LRP1B: variants seen among roughly 807,000 people sequenced by gnomAD.
The protein encoded by LRP1B is low-density lipoprotein receptor-related protein 1B.
LRP1B carries 217 observed loss-of-function variants against 556.6 expected under a neutral mutation model. That is an observed-to-expected ratio of 0.39 (90% CI 0.35 to 0.44). LRP1B has a LOEUF of 0.44. Ranked by LOEUF, LRP1B falls within the 20% of genes least tolerant of loss-of-function variation. The probability of loss-of-function intolerance (pLI) is 1.00; values close to 1 mark genes in which losing one functional copy is unlikely to be tolerated. For missense variants in LRP1B, 5,053 were observed against 5,620.8 expected (o/e 0.90, Z 3.23); for synonymous variants, 2,047 against 1,865.8 (o/e 1.10, Z -2.50).
intron 11 of LRP1B, among the ~76,000 whole-genome samples, chr2:141,024,489 G>A (rs191588230): frequency 9.9e-5 from 15 of 152,064 alleles, no homozygotes; most frequent in African/African-American, 2.4e-4. Context: ...TGGGTCAGGG[G>A]ATACAGATCA....
intron 62 of LRP1B, among the ~76,000 whole-genome samples, chr2:140,452,960 TG>T (rs1229758830): frequency 0.016 from 541 of 34,564 alleles, no homozygotes; most frequent in Admixed American, 0.032. Context: ...TGTGTGTGTG[TG>T]TTTTTTTTTT....
chr2:141,718,334 T>C (rs1355425423), intron 2 of LRP1B, among the ~76,000 whole-genome samples: 1 of 152,204 alleles, frequency 6.6e-6, no homozygotes, highest in African/African-American at 2.4e-5. Context: ...GCTTAAACCA[T>C]GTTTGTTAGG....
chr2:141,895,308 G>A (rs1395223892), intron 1 of LRP1B, among the ~76,000 whole-genome samples: 2 of 152,080 alleles, frequency 1.3e-5, no homozygotes, highest in Admixed American at 6.6e-5. Flanking sequence ...TAGCAGTCAG[G>A]CAGAAAATAT....
At chr2:141,520,407 G>A (rs1379519813) in intron 2 of LRP1B, among the ~76,000 whole-genome samples, 1 of 151,992 alleles carries the variant, frequency 6.6e-6, no homozygotes, top group African/African-American at 2.4e-5. Flanking sequence ...TTTCAACAGA[G>A]CTCGCTTAAC....
chr2:142,031,348 T>TA (rs3041462), intron 1 of LRP1B, among the ~76,000 whole-genome samples: 4 of 126,528 alleles, frequency 3.2e-5, no homozygotes, highest in African/African-American at 8.6e-5. Context: ...TTTTTTTTTT[T>TA]ATTATACTCT....
At chr2:141,986,231 G>A (rs531502875) in intron 1 of LRP1B, among the ~76,000 whole-genome samples, 4 of 151,926 alleles carry the variant, frequency 2.6e-5, no homozygotes, top group South Asian at 4.1e-4. Flanking sequence ...TGAATTGTAC[G>A]GCTAAAAGTA....
intron 41 of LRP1B, among the ~76,000 whole-genome samples, chr2:140,605,560 T>C (rs1040134220): frequency 6.6e-6 from 1 of 151,974 alleles, no homozygotes; most frequent in African/African-American, 2.4e-5. Flanking sequence ...TTATTTTATC[T>C]TTTTCTTTCT....
At chr2:141,280,820 G>T (rs574318547) in intron 3 of LRP1B, among the ~76,000 whole-genome samples, 5 of 152,074 alleles carry the variant, frequency 3.3e-5, no homozygotes, top group Non-Finnish European at 7.4e-5. Flanking sequence ...AAAAGAATCA[G>T]TGATTTTCAT....
chr2:140,928,853 C>A (rs1189591150), intron 20 of LRP1B, among the ~76,000 whole-genome samples: 1 of 151,756 alleles, frequency 6.6e-6, no homozygotes, highest in African/African-American at 2.4e-5. Flanking sequence ...TTGCAAAGAC[C>A]TAAAAGCAGG....
intron 1 of LRP1B, among the ~76,000 whole-genome samples, chr2:141,812,186 A>T (rs1422220530): frequency 6.6e-6 from 1 of 152,136 alleles, no homozygotes; most frequent in Admixed American, 6.6e-5. Flanking sequence ...TTAGGCTGTC[A>T]CATAACTTTT....
intron 7 of LRP1B, among the ~76,000 whole-genome samples, chr2:141,111,390 T>C (rs1412621496): frequency 6.6e-6 from 1 of 152,170 alleles, no homozygotes; most frequent in Admixed American, 6.5e-5. Flanking sequence ...TGCAAATTTG[T>C]TTACTTGCTT....
intron 3 of LRP1B, among the ~76,000 whole-genome samples, chr2:141,273,058 C>T (rs1270150128): frequency 1.3e-5 from 2 of 152,172 alleles, no homozygotes; most frequent in East Asian, 1.9e-4. Flanking sequence ...CCTGTAATCC[C>T]AGCACTTTTG....
At chr2:140,942,702 G>A (rs1203608907) in intron 20 of LRP1B, among the ~76,000 whole-genome samples, 5 of 100,340 alleles carry the variant, frequency 5.0e-5, no homozygotes, top group African/African-American at 1.4e-4. Context: ...CATAAATGAA[G>A]GAGAAATAAA....
chr2:140,978,441 G>C (rs1350813958), intron 18 of LRP1B, among the ~76,000 whole-genome samples: 1 of 152,154 alleles, frequency 6.6e-6, no homozygotes, highest in African/African-American at 2.4e-5. Context: ...AATGATTGCA[G>C]CATCTTCTGG....
intron 22 of LRP1B, among the ~76,000 whole-genome samples, chr2:140,905,348 C>T (rs560553317): frequency 9.9e-5 from 15 of 152,116 alleles, no homozygotes; most frequent in Non-Finnish European, 1.9e-4. Context: ...AATTGTCTGC[C>T]TGAGAACGCT....
At chr2:140,757,831 A>G (rs1183589328) in intron 35 of LRP1B, among the ~76,000 whole-genome samples, 1 of 152,190 alleles carries the variant, frequency 6.6e-6, no homozygotes, top group East Asian at 1.9e-4. Flanking sequence ...CAGTGAGCAG[A>G]GATCATGCCA....
intron 20 of LRP1B, among the ~76,000 whole-genome samples, chr2:140,949,149 T>C (rs546434979): frequency 3.9e-5 from 6 of 152,236 alleles, no homozygotes; most frequent in Non-Finnish European, 8.8e-5. Flanking sequence ...GCTTGTTTGT[T>C]TACGCTGATA....
At chr2:141,480,653 G>A (rs1573996174) in intron 2 of LRP1B, 120 bp from the exon 3 acceptor site, 2 of 971,886 alleles carry the variant, frequency 2.1e-6, no homozygotes, top group East Asian at 5.1e-5. Context: ...TACTGTAAGA[G>A]TGCTGCTCTT....
intron 63 of LRP1B, among the ~76,000 whole-genome samples, chr2:140,445,038 T>C (rs1370584857): frequency 6.6e-6 from 1 of 152,188 alleles, no homozygotes; most frequent in Admixed American, 6.5e-5. Context: ...TCCAATATCA[T>C]CTTTTAAGAA....
Sources: gnomAD v4.1 joint callset for allele counts (sites outside exome capture counted in the v4.1 genomes callset) on GRCh38, gnomAD v4.1.1 for gene constraint, MANE v1.5 for transcripts, NCBI Gene and HGNC (gene_info 2026-07-23, HGNC 2026-07-21) for gene names.